Variants in GLIS3 observed in about 807,000 individuals in gnomAD.
The protein encoded by GLIS3 is zinc finger protein GLIS3.
A neutral mutation model predicts 78.6 loss-of-function variants in GLIS3; 53 were observed. That is an observed-to-expected ratio of 0.67 (90% CI 0.54 to 0.85). The LOEUF is 0.85. Ranked by LOEUF, GLIS3 falls within the 40% of genes least tolerant of loss-of-function variation. The pLI, the probability that GLIS3 is intolerant of heterozygous loss-of-function variation, is 0.00. For synonymous variants in GLIS3, 684 were observed against 509.9 expected (o/e 1.34, Z -4.60); for missense variants, 1,703 against 1,231.1 (o/e 1.38, Z -5.74).
chr9:4,162,574 C>A (rs1310286716), intron 2 of GLIS3, among the ~76,000 whole-genome samples: 1 of 152,158 alleles, frequency 6.6e-6, no homozygotes, highest in Non-Finnish European at 1.5e-5. Flanking sequence ...TAAGATCAAT[C>A]ACTGGCCGGG....
chr9:4,228,758 T>C (rs78654884), intron 2 of GLIS3, among the ~76,000 whole-genome samples: 4,435 of 152,300 alleles, frequency 0.029, 110 homozygotes, highest in Non-Finnish European at 0.034. Flanking sequence ...GCTTCCTCTC[T>C]ACATACAGCC....
chr9:4,220,275 T>G (rs977248532), intron 2 of GLIS3, among the ~76,000 whole-genome samples: 3 of 152,244 alleles, frequency 2.0e-5, no homozygotes, highest in Non-Finnish European at 4.4e-5. Context: ...AATGATTAGC[T>G]TTTATCCTAA....
chr9:4,387,914 T>C, the GLIS3 span, among the ~76,000 whole-genome samples: 1 of 152,222 alleles, frequency 6.6e-6, no homozygotes, highest in Non-Finnish European at 1.5e-5. Flanking sequence ...TTTCTAATCA[T>C]TGCTTCTTTT....
chr9:3,974,996 T>C (rs1274936285), intron 4 of GLIS3: 1 of 152,052 alleles, frequency 6.6e-6, no homozygotes, highest in African/African-American at 2.4e-5. Flanking sequence ...GGAAGAGGCA[T>C]GCGAAGAGGG....
chr9:3,989,662 C>T lies in GLIS3; in HGVS notation c.1711-52473G>A, dbSNP rs569167939. Reference sequence around the variant, plus strand: ...ATACTGTATGAGTCCATGTATGCAACATTTCTTAAATGAAAAAAATTACTA... The same window carrying T: ...ATACTGTATGAGTCCATGTATGCAATATTTCTTAAATGAAAAAAATTACTA... On this transcript the variant is annotated intron_variant, in intron 4 of 10. Transcript: ENST00000381971. 9.9e-4 allele frequency among the ~76,000 whole-genome samples: 151 copies of T among 152,204 alleles called. 1 individual carries two copies. Among genetic ancestry groups the T allele is most frequent in the African/African-American group, 3.2e-3 (133 of 41,538 alleles).
intron 4 of GLIS3, among the ~76,000 whole-genome samples, chr9:3,946,589 C>T (rs1348490179): frequency 6.6e-6 from 1 of 152,116 alleles, no homozygotes; most frequent in African/African-American, 2.4e-5. Flanking sequence ...AGGAAAAATA[C>T]TAATAACAAC....
At chr9:3,834,815 T>C (rs937052803) in intron 9 of GLIS3, among the ~76,000 whole-genome samples, 1 of 152,168 alleles carries the variant, frequency 6.6e-6, no homozygotes, top group South Asian at 2.1e-4. Flanking sequence ...CTCAAGAAGC[T>C]GAGGAATGTT....
intron 4 of GLIS3, among the ~76,000 whole-genome samples, chr9:4,077,040 G>C (rs1273011600): frequency 1.3e-5 from 2 of 152,142 alleles, no homozygotes; most frequent in Non-Finnish European, 2.9e-5. Context: ...GCCTGGGTGA[G>C]AGACCAAGAC....
At chr9:4,028,194 C>T (rs1823511092) in intron 4 of GLIS3, among the ~76,000 whole-genome samples, 1 of 152,148 alleles carries the variant, frequency 6.6e-6, no homozygotes, top group Admixed American at 6.6e-5. Flanking sequence ...CATATAGGAG[C>T]CTACGTATCT....
At chr9:4,241,612 T>C (rs1823319822) in intron 2 of GLIS3, among the ~76,000 whole-genome samples, 1 of 152,230 alleles carries the variant, frequency 6.6e-6, no homozygotes, top group Non-Finnish European at 1.5e-5. Context: ...TTATCAATTT[T>C]TAAAAAAAAT....
At chr9:4,368,055 G>C in the GLIS3 span, among the ~76,000 whole-genome samples, 3 of 152,182 alleles carry the variant, frequency 2.0e-5, no homozygotes, top group Admixed American at 1.3e-4. Flanking sequence ...GGTAGCCCAA[G>C]TTAACCAGTC....
In GLIS3 at chr9:3,898,941, T is replaced by G. The variant is rs1233382752; in HGVS notation, c.1984-106A>C. ...CAGTGCAACTCAGCCCACAAAAATT[T>G]ATCAAGCAGCAACTACGGGTAAGGC... is the stretch of plus-strand genomic sequence containing the variant. On this transcript the variant is annotated intron_variant, in intron 6 of 10. Coordinates refer to ENST00000381971, the MANE Select transcript of GLIS3 (RefSeq NM_001042413.2). 2.1e-6 allele frequency: 3 copies of G among 1,446,742 alleles called. No homozygotes were observed. In the Admixed American group the frequency reaches 5.4e-5, roughly 26 times the overall value. 89.6% of individuals were successfully genotyped at this position (1,446,742 alleles called of 1,614,324 possible).
intron 2 of GLIS3, among the ~76,000 whole-genome samples, chr9:4,187,413 T>C (rs1323915982): frequency 6.6e-6 from 1 of 152,220 alleles, no homozygotes; most frequent in Non-Finnish European, 1.5e-5. Context: ...GTAGTATAGT[T>C]TGAAGTCAGG....
the GLIS3 span, among the ~76,000 whole-genome samples, chr9:4,367,585 G>A: frequency 8.1e-6 from 1 of 123,732 alleles, no homozygotes; most frequent in South Asian, 2.7e-4. Context: ...AGTGAGCCAA[G>A]ATCATGCCAC....
intron 7 of GLIS3, among the ~76,000 whole-genome samples, chr9:3,895,600 A>T (rs1822773145): frequency 6.6e-6 from 1 of 152,194 alleles, no homozygotes; most frequent in Non-Finnish European, 1.5e-5. Context: ...TTTCCAATCA[A>T]GCTCTGTCTT....
At chr9:4,128,221 G>T (rs142519918) in intron 2 of GLIS3, among the ~76,000 whole-genome samples, 1 of 152,160 alleles carries the variant, frequency 6.6e-6, no homozygotes, top group Admixed American at 6.5e-5. Context: ...CAATGCAAGG[G>T]TCACCTCCTA....
chr9:4,390,544 T>C, the GLIS3 span, among the ~76,000 whole-genome samples: 2 of 152,138 alleles, frequency 1.3e-5, no homozygotes, highest in East Asian at 3.9e-4. Context: ...CTTGATAAAC[T>C]TCATAAACTG....
intron 6 of GLIS3, among the ~76,000 whole-genome samples, chr9:3,923,549 C>G (rs1193041727): frequency 3.3e-5 from 5 of 149,978 alleles, no homozygotes; most frequent in African/African-American, 1.2e-4. Context: ...ATTTGGAAGA[C>G]AGTAGAGCCC....
At chr9:3,930,085 G>T (rs1161145932) in intron 6 of GLIS3, among the ~76,000 whole-genome samples, 1 of 152,168 alleles carries the variant, frequency 6.6e-6, no homozygotes, top group Non-Finnish European at 1.5e-5. Flanking sequence ...TCCTTTTTCT[G>T]TTGGATGGAG....
Sources: allele counts gnomAD v4.1 joint callset (sites outside exome capture counted in the v4.1 genomes callset), GRCh38; gene constraint gnomAD v4.1.1; transcripts MANE v1.5; gene names NCBI Gene and HGNC (gene_info 2026-07-23, HGNC 2026-07-21).